The following STX11 variants were observed in gnomAD, a reference collection of about 807,000 sequenced individuals.
STX11 encodes syntaxin-11.
STX11 carries 21 observed loss-of-function variants against 19.9 expected under a neutral mutation model. The observed-to-expected ratio is 1.06, with a 90% CI of 0.75 to 1.52. The LOEUF is 1.52. Ranked by LOEUF, STX11 falls within the 40% of genes most tolerant of loss-of-function variation. STX11 has a pLI of 0.00. For missense variants in STX11, 438 were observed against 405.9 expected (o/e 1.08, Z -0.68); for synonymous variants, 193 against 174.4 (o/e 1.11, Z -0.84).
At position 144,186,694 on chromosome 6, in the gene STX11, G is replaced by A. The variant is rs766958562; in HGVS notation, c.67G>A (p.Asp23Asn). ...ATATGACCAGCAGTTCCCAGACGGG[G>A]ACGATGAGTTTGACTCGCCCCACGA... is the stretch of plus-strand genomic sequence containing the variant. ...KQYDQQFPDGDDEFDSPHEDI... is the reference protein window; with the variant it reads ...KQYDQQFPDGNDEFDSPHEDI... The change falls in exon 2 of 2, where the codon GAC becomes AAC. Residue 23 changes from aspartate (D) to asparagine (N), a missense_variant. Transcript: ENST00000367568. The A allele has an allele frequency of 1.9e-6, 3 of 1,614,210 alleles. No individual in the cohort carries two copies. The highest frequency in any genetic ancestry group is 1.6e-4 in the Middle Eastern group (1 of 6,062).
chr6:144,179,723 G>A (rs1230004798), intron 1 of STX11, among the ~76,000 whole-genome samples: 1 of 152,216 alleles, frequency 6.6e-6, no homozygotes, highest in African/African-American at 2.4e-5. Context: ...CAGAGAAAGG[G>A]CCCTTTCCTA....
At position 144,160,335 on chromosome 6, in the gene STX11, T is replaced by C. The variant is rs1801303293; in HGVS notation, c.-6+9632T>C. 1.3e-5 allele frequency among the ~76,000 whole-genome samples: 2 copies of C among 152,182 alleles called. No individual in the cohort carries two copies. The highest frequency in any genetic ancestry group is 2.4e-5 in the African/African-American group (1 of 41,454). On this transcript the variant is annotated intron_variant, in intron 1 of 1. Transcript: ENST00000367568. The surrounding 1 kb of genome is among the most constrained non-coding windows in gnomAD (Gnocchi z 4.3). The stretch of plus-strand genomic sequence containing the variant: ...TAAAAATTATTTTTGTACCTCCTTA[T>C]TTCTCCCCATAAATTGTAAGCTTAG...
At chr6:144,149,800 C>G (rs1448122222), upstream of STX11, among the ~76,000 whole-genome samples, 1 of 152,116 alleles carries the variant, frequency 6.6e-6, no homozygotes. This position sits in a 1 kb window ranked among gnomAD's most constrained non-coding sequence, Gnocchi z 5.1. Flanking sequence ...TTGAGTATCA[C>G]TTCCTTACTT....
the STX11 span, among the ~76,000 whole-genome samples, chr6:144,144,860 G>A: frequency 6.6e-6 from 1 of 152,172 alleles, no homozygotes; most frequent in East Asian, 1.9e-4. Context: ...GTCCTGCAGG[G>A]TATGAAATAG....
intron 1 of STX11, among the ~76,000 whole-genome samples, chr6:144,181,866 C>T (rs1376260277): frequency 1.3e-5 from 2 of 152,276 alleles, no homozygotes; most frequent in East Asian, 1.9e-4. Flanking sequence ...AAGCAATACC[C>T]CCTTCCTTCC....
chr6:144,149,503 G>A (rs1182088613), upstream of STX11, among the ~76,000 whole-genome samples: 1 of 152,098 alleles, frequency 6.6e-6, no homozygotes, highest in Non-Finnish European at 1.5e-5. This position sits in a 1 kb window ranked among gnomAD's most constrained non-coding sequence, Gnocchi z 5.1. Context: ...TTGAGACAGC[G>A]TCTCATTCTG....
In STX11 at chr6:144,155,956, TTCTTTC is replaced by T. The variant is rs1442319390; in HGVS notation, c.-6+5255_-6+5260del. On this transcript the variant is annotated intron_variant, in intron 1 of 1. Coordinates refer to ENST00000367568, the MANE Select transcript of STX11 (RefSeq NM_003764.4). The surrounding 1 kb of genome is among the most constrained non-coding windows in gnomAD (Gnocchi z 4.5). ...TAAAATTTAATCTTTCTTTCTTTCT[TTCTTTC>T]TTTCTTTCTTTCTTTCTTTCTTTCT... 1.2e-5 allele frequency among the ~76,000 whole-genome samples: 1 copy of T among 85,108 alleles called. No individual in the cohort carries two copies. Among genetic ancestry groups the T allele is most frequent in the Non-Finnish European group, 2.3e-5 (1 of 44,264 alleles). The allele number at this position is 85,108 out of a possible 152,430, so 55.8% of individuals were successfully genotyped here.
chr6:144,161,512 C>T (rs964982153), intron 1 of STX11, among the ~76,000 whole-genome samples: 12 of 152,094 alleles, frequency 7.9e-5, no homozygotes, highest in Admixed American at 3.3e-4. Context: ...GGATTACAGG[C>T]GCCCGCCACC....
chr6:144,171,665 G>A (rs1264457610), intron 1 of STX11, among the ~76,000 whole-genome samples: 1 of 152,056 alleles, frequency 6.6e-6, no homozygotes, highest in Non-Finnish European at 1.5e-5. Flanking sequence ...AACAGCTTTT[G>A]CAGAGTCTTT....
At chr6:144,173,588 C>G (rs1178080415) in intron 1 of STX11, among the ~76,000 whole-genome samples, 1 of 152,182 alleles carries the variant, frequency 6.6e-6, no homozygotes, top group Non-Finnish European at 1.5e-5. Flanking sequence ...TAGTTTGTCT[C>G]TATCGTGCAG....
the STX11 span, among the ~76,000 whole-genome samples, chr6:144,140,452 G>A: frequency 2.5e-3 from 371 of 151,242 alleles, 2 homozygotes; most frequent in African/African-American, 8.5e-3. Flanking sequence ...ATGGGGTTTC[G>A]CCGTGTTGGC....
In STX11 at chr6:144,172,768, A is replaced by G. The variant is rs1801672805; in HGVS notation, c.-5-13855A>G. ...GATACAGTTCAGACTCCTCAGAGAT[A>G]GCTCTTCTTATGCTGATCCTCTTGA... is the stretch of plus-strand genomic sequence containing the variant. On this transcript the variant is annotated intron_variant, in intron 1 of 1. Coordinates refer to ENST00000367568, the MANE Select transcript of STX11 (RefSeq NM_003764.4). This position sits in a 1 kb window ranked among gnomAD's most constrained non-coding sequence, Gnocchi z 4.2. 6.6e-6 allele frequency among the ~76,000 whole-genome samples: 1 copy of G among 152,180 alleles called. No individual in the cohort carries two copies. The highest frequency in any genetic ancestry group is 1.5e-5 in the Non-Finnish European group (1 of 68,032).
intron 1 of STX11, among the ~76,000 whole-genome samples, chr6:144,163,197 G>T (rs558017228): frequency 1.3e-5 from 2 of 152,124 alleles, no homozygotes; most frequent in Admixed American, 6.5e-5. Context: ...AGTCAGTTTT[G>T]GTTTCAACTG....
Position 144,191,119 on chromosome 6 carries a change from G to T in STX11, c.*3628G>T, listed in dbSNP as rs1295067817. Among the ~76,000 whole-genome samples the T allele has an allele frequency of 2.0e-5, 3 of 151,386 alleles. No homozygotes were observed. The highest frequency in any genetic ancestry group is 4.4e-5 in the Non-Finnish European group (3 of 67,910). On this transcript the variant is annotated 3_prime_UTR_variant, in exon 2 of 2. Coordinates refer to ENST00000367568, the MANE Select transcript of STX11 (RefSeq NM_003764.4). The stretch of plus-strand genomic sequence containing the variant: ...AACAATAGATCCTTCAGGAGCTGAA[G>T]GTAAGAATCTTTTATAGCTATTTTA...
chr6:144,154,072 C>G lies in STX11; in HGVS notation c.-6+3369C>G, dbSNP rs1043928028. On this transcript the variant is annotated intron_variant, in intron 1 of 1. Coordinates refer to ENST00000367568, the MANE Select transcript of STX11 (RefSeq NM_003764.4). This position sits in a 1 kb window ranked among gnomAD's most constrained non-coding sequence, Gnocchi z 4.7. ...TCAGTACAATCCTGTGAGATAGGTA[C>G]TCAAATTAACTGCTTTGACTGGTGA... Among the ~76,000 whole-genome samples, 1 of 152,178 alleles carries G rather than the reference C, an allele frequency of 6.6e-6. No homozygotes were observed. Among genetic ancestry groups the G allele is most frequent in the African/African-American group, 2.4e-5 (1 of 41,438 alleles).
intron 1 of STX11, among the ~76,000 whole-genome samples, chr6:144,171,113 G>A (rs1029129497): frequency 5.3e-5 from 8 of 152,148 alleles, no homozygotes; most frequent in African/African-American, 1.9e-4. Context: ...GGAAACCCAG[G>A]CAAGACCCAG....
At chr6:144,164,192 T>A (rs1206565459) in intron 1 of STX11, among the ~76,000 whole-genome samples, 1 of 152,196 alleles carries the variant, frequency 6.6e-6, no homozygotes, top group Non-Finnish European at 1.5e-5. Context: ...AATCACATAG[T>A]CTGCCTTGTG....
At position 144,160,703 on chromosome 6, in the gene STX11, T is replaced by C. The variant is rs777764265; in HGVS notation, c.-6+10000T>C. On this transcript the variant is annotated intron_variant, in intron 1 of 1. Transcript: ENST00000367568. The surrounding 1 kb of genome is among the most constrained non-coding windows in gnomAD (Gnocchi z 4.3). Reference sequence around the variant, plus strand: ...CACTTACTAGATGTAGGTGGAGTTATGTAATCCTCTGCTGTGTCCCATTCA... The same window carrying C: ...CACTTACTAGATGTAGGTGGAGTTACGTAATCCTCTGCTGTGTCCCATTCA... Among the ~76,000 whole-genome samples the C allele has an allele frequency of 1.3e-5, 2 of 152,154 alleles. No individual in the cohort carries two copies. Among genetic ancestry groups the C allele is most frequent in the African/African-American group, 2.4e-5 (1 of 41,444 alleles).
chr6:144,185,212 A>C (rs1165542135), intron 1 of STX11, among the ~76,000 whole-genome samples: 1 of 152,240 alleles, frequency 6.6e-6, no homozygotes, highest in Admixed American at 6.5e-5. Flanking sequence ...GGCCGTGGTT[A>C]ATATTTCACC....
Sources: allele counts gnomAD v4.1 joint callset (sites outside exome capture counted in the v4.1 genomes callset), GRCh38; gene constraint gnomAD v4.1.1; non-coding constraint Gnocchi (gnomAD v3.1); transcripts MANE v1.5; gene names NCBI Gene and HGNC (gene_info 2026-07-23, HGNC 2026-07-21).